Variants in VDR observed in about 807,000 individuals in gnomAD.
The protein encoded by VDR is vitamin D3 receptor.
Under a neutral mutation model 39.7 loss-of-function variants are expected in VDR, and 19 were observed. That is an observed-to-expected ratio of 0.48 (90% CI 0.33 to 0.70). The LOEUF (loss-of-function observed/expected upper bound fraction) is 0.70. Among genes scored for constraint, VDR ranks in the 30% least tolerant of loss-of-function variants. The pLI, the probability that VDR is intolerant of heterozygous loss-of-function variation, is 0.02. For synonymous variants in VDR, 242 were observed against 215.8 expected (o/e 1.12, Z -1.07); for missense variants, 442 against 570.5 (o/e 0.77, Z 2.29).
At chr12:47,891,903 C>A (rs1055913415) in intron 1 of VDR, among the ~76,000 whole-genome samples, 2 of 151,776 alleles carry the variant, frequency 1.3e-5, no homozygotes, top group African/African-American at 4.8e-5. Context: ...CCACCACCCA[C>A]CCCCACCCAC....
At chr12:47,881,547 G>A (rs902418080) in intron 2 of VDR, among the ~76,000 whole-genome samples, 4 of 152,218 alleles carry the variant, frequency 2.6e-5, no homozygotes, top group Admixed American at 2.6e-4. Flanking sequence ...AGATGAGATC[G>A]GGGAGGGGTG....
rs780710863 is a variant in VDR at position 47,865,027 on chromosome 12, C to T, written c.277+20G>A. Reference sequence around the variant, plus strand: ...GACTCCACTTCAGGCCCAAACCCTGCCCAGCCCCTGGACACTCACACTCCT... The same window carrying T: ...GACTCCACTTCAGGCCCAAACCCTGTCCAGCCCCTGGACACTCACACTCCT... On this transcript the variant is annotated intron_variant, in intron 4 of 9. Transcript: ENST00000549336. 5.0e-6 allele frequency: 8 copies of T among 1,612,368 alleles called. No individual in the cohort carries two copies. In the Admixed American group the frequency reaches 1.3e-4, roughly 27 times the overall value.
chr12:47,869,317 G>A (rs1417776469), intron 3 of VDR, among the ~76,000 whole-genome samples: 4 of 152,006 alleles, frequency 2.6e-5, no homozygotes, highest in Non-Finnish European at 4.4e-5. Context: ...CAGGCGGATC[G>A]CGAGGTCAGG....
chr12:47,903,353 T>A (rs1003813470), intron 1 of VDR, among the ~76,000 whole-genome samples: 1 of 152,080 alleles, frequency 6.6e-6, no homozygotes, highest in Non-Finnish European at 1.5e-5. Flanking sequence ...GGCTGCTGAG[T>A]GGGGGCCACG....
rs749485565 is a variant in VDR at position 47,846,786 on chromosome 12, T to G, written c.778A>C (p.Ile260Leu). 6.2e-7 allele frequency: 1 copy of G among 1,614,156 alleles called. No individual in the cohort carries two copies. The highest frequency in any genetic ancestry group is 8.5e-7 in the Non-Finnish European group (1 of 1,180,036). Residue 260 changes from isoleucine to leucine, a missense_variant, in exon 8 of 10, where the codon ATC becomes CTC. Around this residue, in one of 5 missense-constraint regions of VDR, gnomAD observed 173 missense variants for 252.0 expected, o/e 0.69. Transcript: ENST00000549336. ...GFRDLTSEDQIVLLKSSAIEV... is the reference protein window; with the variant it reads ...GFRDLTSEDQLVLLKSSAIEV... ...ATGGCACTTGACTTCAGCAGTACGA[T>G]CTGGTCCTCAGAGGTGAGGTCTCTG...
At chr12:47,875,127 T>C (rs1184641295) in intron 3 of VDR, among the ~76,000 whole-genome samples, 1 of 152,234 alleles carries the variant, frequency 6.6e-6, no homozygotes, top group African/African-American at 2.4e-5. Flanking sequence ...CATAGATCAA[T>C]AGAACTGTGA....
At chr12:47,883,843 G>A (rs1443916754) in intron 1 of VDR, among the ~76,000 whole-genome samples, 2 of 152,172 alleles carry the variant, frequency 1.3e-5, no homozygotes, top group Non-Finnish European at 2.9e-5. Flanking sequence ...ACTGTGAGCC[G>A]ACTGAGGCCA....
rs1945209306 is a variant in VDR, at chr12:47,843,464, A to G, written c.*1282T>C. On this transcript the variant is annotated 3_prime_UTR_variant, in exon 10 of 10. Coordinates refer to ENST00000549336, the MANE Select transcript of VDR (RefSeq NM_000376.3). ...TACAGCTCACTCTCACAAAGACCCC[A>G]CCTTGGAGTAAACGGACAGACGCTT... The G allele has an allele frequency of 6.6e-6, 1 of 152,244 alleles. No individual in the cohort carries two copies. Among genetic ancestry groups the G allele is most frequent in the South Asian group, 2.1e-4 (1 of 4,806 alleles). The allele number at this position is 152,244 out of a possible 1,614,324, so 9.4% of individuals were successfully genotyped here.
At chr12:47,870,444 G>C (rs896878218) in intron 3 of VDR, among the ~76,000 whole-genome samples, 2 of 151,782 alleles carry the variant, frequency 1.3e-5, no homozygotes, top group African/African-American at 4.8e-5. Flanking sequence ...TCATCCTCTG[G>C]TTGGTTGGCA....
chr12:47,856,801 G>A (rs1404100349), intron 6 of VDR, among the ~76,000 whole-genome samples: 1 of 152,082 alleles, frequency 6.6e-6, no homozygotes, highest in Non-Finnish European at 1.5e-5. Flanking sequence ...AAGGGCCCAG[G>A]ATTAAAATAT....
At chr12:47,845,711 GC>G (rs1366718132) in intron 9 of VDR, among the ~76,000 whole-genome samples, 2 of 152,110 alleles carry the variant, frequency 1.3e-5, no homozygotes, top group African/African-American at 4.8e-5. Flanking sequence ...GGGTAGAGGA[GC>G]CCATCTCCAT....
At chr12:47,878,870 A>C in intron 3 of VDR, 98 bp downstream of exon 3, 1 of 1,590,184 alleles carries the variant, frequency 6.3e-7, no homozygotes, top group Non-Finnish European at 8.6e-7. Context: ...GGACATTGTA[A>C]GGAAGGAGAT....
chr12:47,871,403 CTCTT>C (rs1467049972), intron 3 of VDR, among the ~76,000 whole-genome samples: 4 of 99,372 alleles, frequency 4.0e-5, no homozygotes, highest in South Asian at 6.6e-4. Flanking sequence ...CTCTCTTTCT[CTCTT>C]TCTATCTGTC....
chr12:47,879,178 C>A, intron 2 of VDR, 63 bp from the exon 3 acceptor site: 1 of 1,572,794 alleles, frequency 6.4e-7, no homozygotes, highest in South Asian at 1.2e-5. Context: ...AGCTGGCATC[C>A]TTGGTGCCAC....
At chr12:47,846,238 T>C in intron 9 of VDR, 97 bp downstream of exon 9, 2 of 1,004,456 alleles carry the variant, frequency 2.0e-6, no homozygotes, top group Non-Finnish European at 3.1e-6. Context: ...TTTTGCTACG[T>C]CTCCCTTCAG....
intron 3 of VDR, among the ~76,000 whole-genome samples, chr12:47,866,619 G>A (rs1298026159): frequency 6.6e-6 from 1 of 152,194 alleles, no homozygotes; most frequent in African/African-American, 2.4e-5. Flanking sequence ...AAAAGAAGGG[G>A]CCAGACAAGC....
intron 3 of VDR, among the ~76,000 whole-genome samples, chr12:47,873,426 T>C (rs960465179): frequency 7.5e-6 from 1 of 133,630 alleles, no homozygotes; most frequent in African/African-American, 2.9e-5. Context: ...AGTGGCGCAA[T>C]CTCGGCTCAC....
chr12:47,900,023 G>A (rs1394268828), intron 1 of VDR: 1 of 881,526 alleles, frequency 1.1e-6, no homozygotes, highest in Non-Finnish European at 1.4e-6. Context: ...TTGGCCAATG[G>A]GACAATCAGC....
At chr12:47,876,786 C>A (rs1216054854) in intron 3 of VDR, among the ~76,000 whole-genome samples, 1 of 152,228 alleles carries the variant, frequency 6.6e-6, no homozygotes, top group East Asian at 1.9e-4. Context: ...GGATTCCCAG[C>A]CTAGTGGTGT....
Sources: allele counts gnomAD v4.1 joint callset (sites outside exome capture counted in the v4.1 genomes callset), GRCh38; gene constraint gnomAD v4.1.1; regional missense constraint gnomAD v4.1.1; transcripts MANE v1.5; gene names NCBI Gene and HGNC (gene_info 2026-07-23, HGNC 2026-07-21).